RPS6KA6: variants seen among roughly 807,000 people sequenced by gnomAD.
RPS6KA6 encodes the protein ribosomal protein S6 kinase A6.
Under a neutral mutation model 65.4 loss-of-function variants are expected in RPS6KA6, and 27 were observed. The observed-to-expected ratio is 0.41, with a 90% CI of 0.30 to 0.57. The LOEUF is 0.57. RPS6KA6 is among the 20% of genes least tolerant of loss of function. The probability of loss-of-function intolerance (pLI) is 0.24; values close to 1 mark genes in which losing one functional copy is unlikely to be tolerated. For synonymous variants in RPS6KA6, 190 were observed against 184.2 expected (o/e 1.03, Z -0.26); for missense variants, 486 against 555.6 (o/e 0.87, Z 1.26).
chrX:84,151,254 T>G lies in RPS6KA6; in HGVS notation c.259-3131A>C, dbSNP rs773705567. 6.1e-3 allele frequency among the ~76,000 whole-genome samples: 618 copies of G among 101,820 alleles called. 4 individuals carry two copies. The highest frequency in any genetic ancestry group is 0.021 in the African/African-American group (586 of 28,032). The allele number at this position is 101,820 out of a possible 115,157, so 88.4% of individuals were successfully genotyped here. A position where few individuals can be genotyped will look rare whatever the true frequency, so the allele number is the denominator to read the frequency against. On this transcript the variant is annotated intron_variant, in intron 3 of 21. Coordinates refer to ENST00000262752, the MANE Select transcript of RPS6KA6 (RefSeq NM_014496.5). ...GATATATAGGATATATATAGATATA[T>G]ATATATACACACACACATATACATA...
chrX:84,080,044 G>A (rs1418820159), intron 20 of RPS6KA6, among the ~76,000 whole-genome samples: 1 of 111,309 alleles, frequency 9.0e-6, no homozygotes, highest in Non-Finnish European at 1.9e-5. Flanking sequence ...ACACCTCTCA[G>A]CAGGGGTCAA....
chrX:84,078,055 G>A (rs1259038410), intron 20 of RPS6KA6, among the ~76,000 whole-genome samples: 1 of 111,897 alleles, frequency 8.9e-6, no homozygotes, highest in African/African-American at 3.2e-5. Context: ...TTCTTTGAAA[G>A]ACACTTAAGA....
chrX:84,165,342 T>C (rs1174917057), intron 1 of RPS6KA6, among the ~76,000 whole-genome samples: 1 of 110,628 alleles, frequency 9.0e-6, no homozygotes, highest in African/African-American at 3.3e-5. Flanking sequence ...CATAAGCCTA[T>C]CTCCCCCTAT....
chrX:84,151,127 TATAG>T (rs1212935841), intron 3 of RPS6KA6, among the ~76,000 whole-genome samples: 1 of 98,203 alleles, frequency 1.0e-5, no homozygotes, highest in Non-Finnish European at 2.0e-5. Context: ...ATAGGATATA[TATAG>T]ATATATAGGA....
chrX:84,162,767 C>T (rs1356813847), intron 2 of RPS6KA6, among the ~76,000 whole-genome samples: 4 of 111,880 alleles, frequency 3.6e-5, no homozygotes, highest in African/African-American at 1.3e-4. Context: ...GTTCCTTATA[C>T]TCCTTTATCT....
At chrX:84,115,351 A>C (rs2034544631) in intron 12 of RPS6KA6, among the ~76,000 whole-genome samples, 2 of 112,191 alleles carry the variant, frequency 1.8e-5, no homozygotes, top group Non-Finnish European at 1.9e-5. Flanking sequence ...AAACATGGAA[A>C]AATGCTCAAT....
intron 8 of RPS6KA6, among the ~76,000 whole-genome samples, chrX:84,132,757 C>T (rs1026007348): frequency 1.9e-5 from 2 of 107,311 alleles, no homozygotes; most frequent in African/African-American, 6.7e-5. Flanking sequence ...TTCTACTGAT[C>T]TGTTATAACA....
intron 8 of RPS6KA6, among the ~76,000 whole-genome samples, chrX:84,125,394 A>C (rs1441654397): frequency 8.9e-6 from 1 of 111,869 alleles, no homozygotes; most frequent in Non-Finnish European, 1.9e-5. Flanking sequence ...AAACTTGAAA[A>C]GTGGGGGGAT....
chrX:84,104,745 T>G (rs968446443), intron 16 of RPS6KA6, 88 bp from the exon 17 acceptor site: 1 of 574,015 alleles, frequency 1.7e-6, no homozygotes, highest in East Asian at 4.1e-5. Flanking sequence ...TTTACCTTTC[T>G]ACTAGACTTC....
Position 84,059,146 on chromosome X carries a change from G to A in RPS6KA6, c.*5131C>T. 1.8e-4 allele frequency: 1 copy of A among 5,580 alleles called. No homozygotes were observed. Among genetic ancestry groups the A allele is most frequent in the Non-Finnish European group, 3.6e-4 (1 of 2,790 alleles). 0.5% of individuals were successfully genotyped at this position (5,580 alleles called of 1,213,427 possible). Reference sequence around the variant, plus strand: ...TTTTTTTTTTTTTTTTTTTTTTTTTGTGAGACGGAGTTTCGCTCTTGTTGC... The same window carrying A: ...TTTTTTTTTTTTTTTTTTTTTTTTTATGAGACGGAGTTTCGCTCTTGTTGC... On this transcript the variant is annotated 3_prime_UTR_variant, in exon 22 of 22. Coordinates refer to ENST00000262752, the MANE Select transcript of RPS6KA6 (RefSeq NM_014496.5).
intron 6 of RPS6KA6, 96 bp from the exon 7 acceptor site, chrX:84,135,306 GAAAATAAT>G: frequency 1.9e-6 from 1 of 537,139 alleles, no homozygotes; most frequent in Non-Finnish European, 3.0e-6. Flanking sequence ...ACAAATCTAG[GAAAATAAT>G]AAGATAATAA....
At position 84,092,278 on chromosome X, in the gene RPS6KA6, G is replaced by C. The variant is rs190588354; in HGVS notation, c.1971+3916C>G. Among the ~76,000 whole-genome samples the C allele has an allele frequency of 4.5e-5, 5 of 111,021 alleles. No individual in the cohort carries two copies. In the East Asian group the frequency reaches 1.4e-3, roughly 31 times the overall value. ...AAATAGACAAAATAAAGCACCAGGT[G>C]CTACATGAACAGGTGCTCAAAATAA... is the stretch of plus-strand genomic sequence containing the variant. On this transcript the variant is annotated intron_variant, in intron 20 of 21. Transcript: ENST00000262752.
chrX:84,169,998 C>T (rs1272633218), intron 1 of RPS6KA6, among the ~76,000 whole-genome samples: 2 of 108,366 alleles, frequency 1.8e-5, no homozygotes, highest in Non-Finnish European at 3.8e-5. Flanking sequence ...TGGTGAAACC[C>T]GTCTCTACTA....
At chrX:84,140,445 G>T (rs930531336) in intron 6 of RPS6KA6, among the ~76,000 whole-genome samples, 1 of 110,673 alleles carries the variant, frequency 9.0e-6, no homozygotes, top group Non-Finnish European at 1.9e-5. Context: ...ATAAAAAATT[G>T]TCAATCATGG....
At chrX:84,138,862 T>A (rs1477951622) in intron 6 of RPS6KA6, among the ~76,000 whole-genome samples, 1 of 109,542 alleles carries the variant, frequency 9.1e-6, no homozygotes, top group Non-Finnish European at 1.9e-5. Flanking sequence ...GGAAGGGAAA[T>A]TTGGGTAGGT....
At chrX:84,119,406 G>A (rs1355735504) in intron 9 of RPS6KA6, among the ~76,000 whole-genome samples, 1 of 111,630 alleles carries the variant, frequency 9.0e-6, no homozygotes, top group Non-Finnish European at 1.9e-5. Context: ...TCTGTATTAA[G>A]CATCTACTGA....
At chrX:84,082,013 G>C (rs1569372814) in intron 20 of RPS6KA6, among the ~76,000 whole-genome samples, 2 of 112,150 alleles carry the variant, frequency 1.8e-5, no homozygotes, top group Non-Finnish European at 3.8e-5. Context: ...AAAGCTGGAA[G>C]CATTCCCTTT....
Position 84,104,620 on chromosome X carries a change from T to A in RPS6KA6, c.1493A>T (p.Asp498Val). The A allele has an allele frequency of 6.8e-6, 8 of 1,177,695 alleles. No homozygotes were observed. Among genetic ancestry groups the A allele is most frequent in the Non-Finnish European group, 9.1e-6 (8 of 876,909 alleles). ...DDGRYVYLVT[D>V]LMKGGELLDR... ...AAGTAACTCTCCTCCTTTCATTAAA[T>A]CCGTAACAAGGTAAACATATCTACC... Residue 498 changes from aspartate to valine, a missense_variant, in exon 17 of 22, where the codon GAT (aspartate) becomes GTT (valine). Transcript: ENST00000262752.
At position 84,145,400 on chromosome X, in the gene RPS6KA6, T is replaced by C. The variant is rs189391327; in HGVS notation, c.501+78A>G. On this transcript the variant is annotated intron_variant, in intron 6 of 21. Transcript: ENST00000262752. ...CCATTTAAAATTTCAATAGGAAAAA[T>C]GTAATTAGCAGAAGAACAAAAGTGA... 4.1e-5 allele frequency: 25 copies of C among 608,573 alleles called. No individual in the cohort carries two copies. The East Asian group carries it at 8.3e-4, about 20-fold the overall frequency. 50.2% of individuals were successfully genotyped at this position (608,573 alleles called of 1,213,427 possible). A position where few individuals can be genotyped will look rare whatever the true frequency, so the allele number is the denominator to read the frequency against.
Sources: gnomAD v4.1 joint callset for allele counts (sites outside exome capture counted in the v4.1 genomes callset) on GRCh38, gnomAD v4.1.1 for gene constraint, MANE v1.5 for transcripts, NCBI Gene and HGNC (gene_info 2026-07-23, HGNC 2026-07-21) for gene names.